DRG1: variants seen among roughly 807,000 people sequenced by gnomAD.
DRG1 encodes the protein developmentally-regulated GTP-binding protein 1.
Under a neutral mutation model 38.8 loss-of-function variants are expected in DRG1, and 19 were observed. The ratio of observed to expected loss-of-function variants is 0.49; its 90% CI spans 0.34 to 0.72. The LOEUF is 0.72. DRG1 is among the 30% of genes least tolerant of loss of function. The pLI, the probability that DRG1 is intolerant of heterozygous loss-of-function variation, is 0.01. For synonymous variants in DRG1, 167 were observed against 157.5 expected, an observed-to-expected ratio of 1.06 and a Z score of -0.45; for missense variants, 299 against 444.8, an observed-to-expected ratio of 0.67 and a Z score of 2.95.
intron 3 of DRG1, 80 bp downstream of exon 3, chr22:31,403,284 G>T (rs2049972597): frequency 2.1e-6 from 3 of 1,427,962 alleles, no homozygotes; most frequent in Non-Finnish European, 2.8e-6. Context: ...CTCACTGTAT[G>T]CCAGGCCTGA....
At chr22:31,428,176 T>C (rs1414844430) in intron 8 of DRG1, among the ~76,000 whole-genome samples, 1 of 152,002 alleles carries the variant, frequency 6.6e-6, no homozygotes, top group Non-Finnish European at 1.5e-5. Context: ...TTTGAACTTA[T>C]TTTAGACCAA....
intron 8 of DRG1, among the ~76,000 whole-genome samples, chr22:31,431,336 C>G (rs1003971238): frequency 8.6e-5 from 13 of 152,006 alleles, no homozygotes; most frequent in Admixed American, 1.3e-4. Context: ...GCCCGCCGCA[C>G]TTTTTTTTCT....
At chr22:31,400,021 C>T (rs973919204) in intron 1 of DRG1, among the ~76,000 whole-genome samples, 1 of 152,082 alleles carries the variant, frequency 6.6e-6, no homozygotes, top group Non-Finnish European at 1.5e-5. Flanking sequence ...CAGTGTTTGG[C>T]TCCTGTTCTG....
chr22:31,399,653 A>G lies in DRG1; in HGVS notation c.-31A>G. 3.1e-6 allele frequency: 5 copies of G among 1,613,954 alleles called. No individual in the cohort carries two copies. The highest frequency in any genetic ancestry group is 1.7e-4 in the Middle Eastern group (1 of 6,060). On this transcript the variant is annotated 5_prime_UTR_variant, in exon 1 of 9. Transcript: ENST00000331457. ...TTTGCCCGCGGGTGTGTGAAGGGAGACAGTGTGGAGGCCACAGGGTACTCG... is the reference window on the plus strand; with the variant it reads ...TTTGCCCGCGGGTGTGTGAAGGGAGGCAGTGTGGAGGCCACAGGGTACTCG...
At chr22:31,428,250 C>T (rs991160748) in intron 8 of DRG1, among the ~76,000 whole-genome samples, 11 of 150,084 alleles carry the variant, frequency 7.3e-5, no homozygotes, top group African/African-American at 2.5e-4. Flanking sequence ...CTCGCTGTGT[C>T]GCCCAGGCTG....
intron 3 of DRG1, among the ~76,000 whole-genome samples, chr22:31,409,605 A>G (rs1177288618): frequency 6.6e-6 from 1 of 152,186 alleles, no homozygotes. Flanking sequence ...TGCAATATGT[A>G]TCATATGTAA....
chr22:31,413,964 C>A (rs1205627893), intron 4 of DRG1, among the ~76,000 whole-genome samples: 1 of 151,992 alleles, frequency 6.6e-6, no homozygotes, highest in South Asian at 2.1e-4. Context: ...TGTTGTCAAA[C>A]CTGATGGCCA....
chr22:31,410,816 CAAAAA>C (rs201082892), intron 3 of DRG1, among the ~76,000 whole-genome samples, 191 bp from the exon 4 acceptor site: 1 of 129,032 alleles, frequency 7.8e-6, no homozygotes, highest in Non-Finnish European at 1.7e-5. Flanking sequence ...ACTCCATCTC[CAAAAA>C]AAAAAAAGCC....
chr22:31,429,382 T>G (rs1267580086), intron 8 of DRG1, among the ~76,000 whole-genome samples: 2 of 152,036 alleles, frequency 1.3e-5, no homozygotes, highest in Non-Finnish European at 2.9e-5. Flanking sequence ...CCTCCCAAAG[T>G]GCTGGGATTA....
chr22:31,405,171 TC>T (rs1347262609), intron 3 of DRG1, among the ~76,000 whole-genome samples: 592 of 151,432 alleles, frequency 3.9e-3, no homozygotes, highest in African/African-American at 0.013. Flanking sequence ...TAATAAATTT[TC>T]TTTTTTTTTT....
rs1212932105 is a variant in DRG1 at position 31,420,407 on chromosome 22, C to T, written c.564C>T (p.Gly188=). The T allele has an allele frequency of 6.2e-7, 1 of 1,614,152 alleles. No individual in the cohort carries two copies. The highest frequency in any genetic ancestry group is 1.7e-5 in the Admixed American group (1 of 59,992). ...GCTTTAAGAAGAAGGACAAGGGAGG[C>T]ATTAATCTCACAGCCACTGTAAGTG... ...NIGFKKKDKG[G]INLTATCPQS... Residue 188 remains glycine, a synonymous_variant, in exon 5 of 9, where the codon GGC becomes GGT. Coordinates refer to ENST00000331457, the MANE Select transcript of DRG1 (RefSeq NM_004147.4).
chr22:31,403,977 CTTTTTTTTT>C (rs11295429), intron 3 of DRG1, among the ~76,000 whole-genome samples: 1 of 81,804 alleles, frequency 1.2e-5, no homozygotes, highest in Non-Finnish European at 2.3e-5. Flanking sequence ...AAGAGAATAA[CTTTTTTTTT>C]TTTTTTTTTT....
intron 4 of DRG1, 96 bp from the exon 5 acceptor site, chr22:31,420,160 C>T: frequency 7.1e-7 from 1 of 1,406,548 alleles, no homozygotes; most frequent in South Asian, 1.4e-5. Context: ...TCCTTTGACA[C>T]TTAAATGTAG....
chr22:31,433,271 G>GTTTTTT (rs2050151207), intron 8 of DRG1, among the ~76,000 whole-genome samples: 3 of 130,548 alleles, frequency 2.3e-5, no homozygotes, highest in East Asian at 3.3e-4. Flanking sequence ...ATTAAAGACG[G>GTTTTTT]ATTTTTTTTT....
chr22:31,431,336 C>CT (rs1011369066), intron 8 of DRG1, among the ~76,000 whole-genome samples: 4 of 152,006 alleles, frequency 2.6e-5, no homozygotes, highest in African/African-American at 4.8e-5. Flanking sequence ...GCCCGCCGCA[C>CT]TTTTTTTTCT....
rs1370861106 is a variant in DRG1, at chr22:31,423,301, G to T, written c.604G>T (p.Ala202Ser). ...TCAGTGCCCCCAGAGTGAGCTGGAT[G>T]CTGAAACTGTGAAGAGCATTCTGGC... Reference protein sequence around the residue: ...TATCPQSELDAETVKSILAEY... With the variant: ...TATCPQSELDSETVKSILAEY... The change falls in exon 6 of 9, where the codon GCT becomes TCT. Residue 202 changes from alanine (A) to serine (S), a missense_variant. Coordinates refer to ENST00000331457, the MANE Select transcript of DRG1 (RefSeq NM_004147.4). 4.3e-6 allele frequency: 7 copies of T among 1,614,058 alleles called. No homozygotes were observed. Among genetic ancestry groups the T allele is most frequent in the Non-Finnish European group, 5.1e-6 (6 of 1,180,020 alleles).
chr22:31,407,687 T>TTC (rs1275860767), intron 3 of DRG1, among the ~76,000 whole-genome samples: 2 of 146,232 alleles, frequency 1.4e-5, no homozygotes, highest in Non-Finnish European at 3.1e-5. Context: ...TCATTTTTCT[T>TTC]TTTTTTTTTT....
intron 3 of DRG1, among the ~76,000 whole-genome samples, chr22:31,409,479 G>T (rs2050007068): frequency 6.6e-6 from 1 of 152,132 alleles, no homozygotes; most frequent in Non-Finnish European, 1.5e-5. Flanking sequence ...CTTCAAATCA[G>T]AATCTGCAGG....
chr22:31,405,667 A>ATGTG (rs200228397), intron 3 of DRG1, among the ~76,000 whole-genome samples: 5 of 147,150 alleles, frequency 3.4e-5, no homozygotes, highest in East Asian at 4.3e-4. Flanking sequence ...ACTGTTGGGC[A>ATGTG]TGTGTGTGTG....
Sources: allele counts gnomAD v4.1 joint callset (sites outside exome capture counted in the v4.1 genomes callset), GRCh38; gene constraint gnomAD v4.1.1; transcripts MANE v1.5; gene names NCBI Gene and HGNC (gene_info 2026-07-23, HGNC 2026-07-21).